CSMD3: variants seen among roughly 807,000 people sequenced by gnomAD.
CSMD3 encodes the protein CUB and sushi domain-containing protein 3.
Under a neutral mutation model 435.2 loss-of-function variants are expected in CSMD3, and 177 were observed. The observed-to-expected ratio is 0.41, with a 90% CI of 0.36 to 0.46. CSMD3 has a LOEUF of 0.46. Ranked by LOEUF, CSMD3 falls within the 20% of genes least tolerant of loss-of-function variation. The probability of loss-of-function intolerance (pLI) is 0.34; values close to 1 mark genes in which losing one functional copy is unlikely to be tolerated. For synonymous variants in CSMD3, 1,656 were observed against 1,520.5 expected, an observed-to-expected ratio of 1.09 and a Z score of -2.07; for missense variants, 4,265 against 4,504.6, an observed-to-expected ratio of 0.95 and a Z score of 1.52.
chr8:112,289,239 T>C, intron 57 of CSMD3, 126 bp downstream of exon 57: 1 of 847,016 alleles, frequency 1.2e-6, no homozygotes, highest in African/African-American at 1.7e-5. Flanking sequence ...TTTCAGCTTT[T>C]CTTATGAGAT....
At chr8:112,949,192 G>A (rs565512099) in intron 8 of CSMD3, among the ~76,000 whole-genome samples, 17 of 152,154 alleles carry the variant, frequency 1.1e-4, no homozygotes, top group African/African-American at 4.1e-4. Context: ...ATAGCTATCA[G>A]ACGACTGCCC....
At chr8:113,123,776 A>T (rs573013832) in intron 4 of CSMD3, among the ~76,000 whole-genome samples, 1 of 151,914 alleles carries the variant, frequency 6.6e-6, no homozygotes, top group Admixed American at 6.6e-5. Flanking sequence ...ATAAGCATAC[A>T]TTTACTATCT....
In CSMD3 at chr8:112,550,741, G is replaced by A. The variant is rs759826733; in HGVS notation, c.4494C>T (p.Leu1498=). ...SLIPEGIHST[L]NIVTIQFDTD... is the part of the protein sequence containing the mutation. ...TGTCAAACTGGATGGTTACTATATTGAGGGTGCTATGAATTCCTTCAGGAA... is the reference window on the plus strand; with the variant it reads ...TGTCAAACTGGATGGTTACTATATTAAGGGTGCTATGAATTCCTTCAGGAA... Residue 1498 remains leucine (L), a synonymous_variant, in exon 27 of 71, where the codon CTC becomes CTT. Transcript: ENST00000297405. 6.2e-7 allele frequency: 1 copy of A among 1,605,366 alleles called. No homozygotes were observed. The highest frequency in any genetic ancestry group is 8.5e-7 in the Non-Finnish European group (1 of 1,172,448).
Position 113,030,969 on chromosome 8 carries a change from A to C in CSMD3, c.918-11790T>G, listed in dbSNP as rs144186624. On this transcript the variant is annotated intron_variant, in intron 5 of 70. Transcript: ENST00000297405. ...GAGATATTATGATACACCTACCAGA[A>C]TGGCTAAAATTAAAAACAGTGACTA... 7.8e-4 allele frequency among the ~76,000 whole-genome samples: 119 copies of C among 151,778 alleles called. 1 individual carries two copies. The highest frequency in any genetic ancestry group is 2.8e-3 in the African/African-American group (115 of 41,538).
intron 5 of CSMD3, among the ~76,000 whole-genome samples, chr8:113,069,324 T>C (rs1253872407): frequency 6.6e-6 from 1 of 152,124 alleles, no homozygotes; most frequent in Non-Finnish European, 1.5e-5. Flanking sequence ...TTCCACTGTC[T>C]GCAAGTTTGG....
chr8:113,316,610 C>T (rs886652164), intron 1 of CSMD3, among the ~76,000 whole-genome samples: 11 of 150,096 alleles, frequency 7.3e-5, no homozygotes, highest in African/African-American at 2.5e-4. Context: ...AGTGTAGTGG[C>T]GTGATCTCGG....
intron 16 of CSMD3, 41 bp from the exon 17 acceptor site, chr8:112,666,456 G>A (rs2131708663): frequency 6.3e-7 from 1 of 1,579,080 alleles, no homozygotes; most frequent in East Asian, 2.3e-5. Flanking sequence ...AAACATTCAA[G>A]ATAAATCGCA....
chr8:112,517,253 G>A (rs1823770679), intron 27 of CSMD3, 28 bp from the exon 28 acceptor site: 2 of 1,573,042 alleles, frequency 1.3e-6, no homozygotes, highest in African/African-American at 1.4e-5. Flanking sequence ...CAAAATTTTA[G>A]TTTTGATAAC....
chr8:112,598,134 A>C (rs947041677), intron 22 of CSMD3, among the ~76,000 whole-genome samples: 22 of 145,500 alleles, frequency 1.5e-4, no homozygotes, highest in Non-Finnish European at 2.3e-4. Flanking sequence ...GTCTCAGCCC[A>C]AAATCTCCTT....
In CSMD3 at chr8:112,516,900, C is replaced by T. The variant is rs1030147263; in HGVS notation, c.4756+134G>A. The T allele has an allele frequency of 8.6e-5, 59 of 683,580 alleles. 1 individual carries two copies. The highest frequency in any genetic ancestry group is 4.1e-4 in the African/African-American group (23 of 55,448). The allele number at this position is 683,580 out of a possible 1,614,324, so 42.3% of individuals were successfully genotyped here. On this transcript the variant is annotated intron_variant, in intron 28 of 70. Coordinates refer to ENST00000297405, the MANE Select transcript of CSMD3 (RefSeq NM_198123.2). ...TCATTTTACAATTTTGTACATTCTG[C>T]GGAGGTTAATAATCCTCTGAAATCT...
Position 112,768,068 on chromosome 8 carries a change from GT to G in CSMD3, c.1972+32093del, listed in dbSNP as rs201216616. On this transcript the variant is annotated intron_variant, in intron 13 of 70. Coordinates refer to ENST00000297405, the MANE Select transcript of CSMD3 (RefSeq NM_198123.2). Reference sequence around the variant, plus strand: ...TAAAGGACAGCTATGACTATCTAGTGTTTTGCAATGAATTTGACATATAGTT... The same window carrying G: ...TAAAGGACAGCTATGACTATCTAGTGTTTGCAATGAATTTGACATATAGTT... 2.0e-5 allele frequency among the ~76,000 whole-genome samples: 3 copies of G among 151,544 alleles called. No individual in the cohort carries two copies. In the East Asian group the frequency reaches 5.8e-4, roughly 29 times the overall value.
At chr8:112,350,079 G>A (rs1175804763) in intron 40 of CSMD3, among the ~76,000 whole-genome samples, 3 of 152,016 alleles carry the variant, frequency 2.0e-5, no homozygotes, top group East Asian at 1.9e-4. Flanking sequence ...CCATCTACAA[G>A]CCAACAAGAG....
intron 23 of CSMD3, 96 bp from the exon 24 acceptor site, chr8:112,573,753 T>C: frequency 2.0e-6 from 2 of 1,007,666 alleles, no homozygotes; most frequent in South Asian, 2.8e-5. Context: ...AGTGTACTTT[T>C]TCTAAATCAG....
intron 68 of CSMD3, 80 bp from the exon 69 acceptor site, chr8:112,231,712 T>A: frequency 1.1e-6 from 1 of 890,808 alleles, no homozygotes; most frequent in Non-Finnish European, 1.9e-6. Context: ...TACACAATTT[T>A]ATTCTGAAAG....
intron 1 of CSMD3, among the ~76,000 whole-genome samples, chr8:113,374,807 T>C (rs1430273413): frequency 7.9e-6 from 1 of 125,856 alleles, no homozygotes; most frequent in Non-Finnish European, 1.6e-5. Context: ...ATGCACCTTG[T>C]TGTTAAAAAG....
intron 1 of CSMD3, chr8:113,377,130 T>C: frequency 1.6e-6 from 2 of 1,258,874 alleles, no homozygotes; most frequent in Non-Finnish European, 2.0e-6. Flanking sequence ...GGCTCTCCGG[T>C]CCTCCAAAGG....
At chr8:112,423,357 G>A (rs186902983) in intron 32 of CSMD3, among the ~76,000 whole-genome samples, 5 of 152,230 alleles carry the variant, frequency 3.3e-5, no homozygotes, top group African/African-American at 1.2e-4. Flanking sequence ...AAGCACATAA[G>A]AGTCACCTGT....
At chr8:112,548,933 C>A (rs939724599) in intron 27 of CSMD3, among the ~76,000 whole-genome samples, 1 of 151,876 alleles carries the variant, frequency 6.6e-6, no homozygotes, top group Non-Finnish European at 1.5e-5. Flanking sequence ...TTAATGTGCC[C>A]TACAAATATA....
In CSMD3 at chr8:112,254,310, A is replaced by G; in HGVS notation, c.10053T>C (p.Ser3351=). ...SPHCIEPTQT[S]CENPGVPRHG... is the part of the protein sequence containing the mutation. ...GCCGAGGCACACCTGGGTTTTCACA[A>G]GAGGTTTGGGTAGGCTCTAAAATGA... The change falls in exon 63 of 71, where the codon TCT becomes TCC. Residue 3351 remains serine (S), a synonymous_variant. Transcript: ENST00000297405. The G allele has an allele frequency of 6.2e-7, 1 of 1,612,156 alleles. No homozygotes were observed. Among genetic ancestry groups the G allele is most frequent in the South Asian group, 1.1e-5 (1 of 91,056 alleles).
Sources: allele counts gnomAD v4.1 joint callset (sites outside exome capture counted in the v4.1 genomes callset), GRCh38; gene constraint gnomAD v4.1.1; transcripts MANE v1.5; gene names NCBI Gene and HGNC (gene_info 2026-07-23, HGNC 2026-07-21).